TNFSF4: variants seen among roughly 807,000 people sequenced by gnomAD.
TNFSF4 encodes tumor necrosis factor ligand superfamily member 4.
TNFSF4 carries 4 observed loss-of-function variants against 7.3 expected under a neutral mutation model. That is an observed-to-expected ratio of 0.55 (90% CI 0.27 to 1.25). The LOEUF (loss-of-function observed/expected upper bound fraction) is 1.25. Among genes scored for constraint, TNFSF4 ranks in the 50% most tolerant of loss-of-function variants. The pLI is 0.12. For synonymous variants in TNFSF4, 76 were observed against 83.7 expected, an observed-to-expected ratio of 0.91 and a Z score of 0.50; for missense variants, 181 against 208.8, an observed-to-expected ratio of 0.87 and a Z score of 0.82.
At chr1:173,401,851 T>C in the TNFSF4 span, among the ~76,000 whole-genome samples, 1 of 152,226 alleles carries the variant, frequency 6.6e-6, no homozygotes, top group Non-Finnish European at 1.5e-5. Flanking sequence ...TTGTCATTAA[T>C]AACAAGTCCA....
At chr1:173,235,874 T>C in the TNFSF4 span, among the ~76,000 whole-genome samples, 3 of 152,238 alleles carry the variant, frequency 2.0e-5, no homozygotes, top group African/African-American at 7.2e-5. Flanking sequence ...TTGCTGGACT[T>C]AATGCCTGTT....
chr1:173,196,967 C>T (rs907159418), intron 1 of TNFSF4, among the ~76,000 whole-genome samples: 4 of 152,180 alleles, frequency 2.6e-5, no homozygotes, highest in Non-Finnish European at 4.4e-5. Context: ...CTTGCCATAC[C>T]TCCTACCATG....
the TNFSF4 span, among the ~76,000 whole-genome samples, chr1:173,290,841 G>C: frequency 2.0e-5 from 3 of 152,002 alleles, no homozygotes; most frequent in South Asian, 6.2e-4. Context: ...CACAAAGCAA[G>C]TCTCAAGAAA....
the TNFSF4 span, among the ~76,000 whole-genome samples, chr1:173,404,486 T>C: frequency 6.6e-6 from 1 of 152,198 alleles, no homozygotes; most frequent in Non-Finnish European, 1.5e-5. Flanking sequence ...ATGTATCATT[T>C]TGTTAATCCA....
chr1:173,217,421 G>A, the TNFSF4 span, among the ~76,000 whole-genome samples: 106 of 152,230 alleles, frequency 7.0e-4, no homozygotes, highest in Non-Finnish European at 1.8e-4. Flanking sequence ...TTCTAATTGA[G>A]CAAGTTATTT....
At chr1:173,342,411 C>T in the TNFSF4 span, among the ~76,000 whole-genome samples, 1 of 152,040 alleles carries the variant, frequency 6.6e-6, no homozygotes, top group African/African-American at 2.4e-5. Flanking sequence ...TCTCCATAAG[C>T]AAATCACAGC....
At chr1:173,187,010 C>T in intron 2 of TNFSF4, 145 bp from the exon 3 acceptor site, 1 of 596,580 alleles carries the variant, frequency 1.7e-6, no homozygotes, top group Non-Finnish European at 2.9e-6. Flanking sequence ...AAGATCCCGC[C>T]ACTGCACTCC....
chr1:173,232,848 T>A, the TNFSF4 span, among the ~76,000 whole-genome samples: 19,635 of 152,090 alleles, frequency 0.13, 1,417 homozygotes, highest in South Asian at 0.17. Flanking sequence ...AAGCTCTTTG[T>A]TGTGCTGCTG....
the TNFSF4 span, among the ~76,000 whole-genome samples, chr1:173,292,358 C>A: frequency 1.3e-5 from 2 of 152,068 alleles, no homozygotes; most frequent in East Asian, 3.9e-4. Flanking sequence ...TGACTCACCA[C>A]ATAACAGAAT....
chr1:173,329,519 A>C, the TNFSF4 span, among the ~76,000 whole-genome samples: 1 of 152,184 alleles, frequency 6.6e-6, no homozygotes, highest in Non-Finnish European at 1.5e-5. Context: ...CAGAGAATGT[A>C]CTGCGGCTAT....
chr1:173,264,231 T>C, the TNFSF4 span, among the ~76,000 whole-genome samples: 1 of 152,064 alleles, frequency 6.6e-6, no homozygotes, highest in African/African-American at 2.4e-5. Context: ...CAATGCACTC[T>C]TGACCTCCTG....
the TNFSF4 span, among the ~76,000 whole-genome samples, chr1:173,290,766 C>T: frequency 6.6e-6 from 1 of 152,150 alleles, no homozygotes; most frequent in Non-Finnish European, 1.5e-5. Flanking sequence ...CACCCAACAA[C>T]AACAGAATAT....
the TNFSF4 span, among the ~76,000 whole-genome samples, chr1:173,302,183 G>A: frequency 6.6e-6 from 1 of 151,804 alleles, no homozygotes. Context: ...CATTCATAGG[G>A]CTGACATAAT....
At chr1:173,349,300 T>C in the TNFSF4 span, among the ~76,000 whole-genome samples, 411 of 152,242 alleles carry the variant, frequency 2.7e-3, 1 homozygote, top group African/African-American at 9.1e-3. Flanking sequence ...AGTGCTGGGA[T>C]TACAGGCGTG....
chr1:173,257,460 G>A, the TNFSF4 span, among the ~76,000 whole-genome samples: 1 of 152,368 alleles, frequency 6.6e-6, no homozygotes, highest in Admixed American at 6.5e-5. Context: ...TCAGGCGCCA[G>A]CTGCAAGTGC....
At chr1:173,349,154 G>A in the TNFSF4 span, among the ~76,000 whole-genome samples, 1 of 151,974 alleles carries the variant, frequency 6.6e-6, no homozygotes, top group Non-Finnish European at 1.5e-5. Flanking sequence ...TCAGCCTCCC[G>A]AGTAGCTGGG....
chr1:173,236,665 A>T, the TNFSF4 span, among the ~76,000 whole-genome samples: 2 of 152,156 alleles, frequency 1.3e-5, no homozygotes, highest in Non-Finnish European at 2.9e-5. Context: ...TAAAACCAAT[A>T]AAATCCTGCC....
At chr1:173,423,021 T>C in the TNFSF4 span, among the ~76,000 whole-genome samples, 1 of 151,662 alleles carries the variant, frequency 6.6e-6, no homozygotes, top group African/African-American at 2.4e-5. Flanking sequence ...CACACTGGAG[T>C]GCAGCGGTGA....
chr1:173,362,589 A>C, the TNFSF4 span: 3 of 517,100 alleles, frequency 5.8e-6, no homozygotes, highest in Admixed American at 6.4e-5. Flanking sequence ...TCAGTTCAAC[A>C]GTTGCCAACT....
Sources: allele counts gnomAD v4.1 joint callset (sites outside exome capture counted in the v4.1 genomes callset), GRCh38; gene constraint gnomAD v4.1.1; transcripts MANE v1.5; gene names NCBI Gene and HGNC (gene_info 2026-07-23, HGNC 2026-07-21).